Variants in ATP11A observed in about 807,000 individuals in gnomAD.
The protein encoded by ATP11A is phospholipid-transporting ATPase IH.
Under a neutral mutation model 154.4 loss-of-function variants are expected in ATP11A, and 81 were observed. The ratio of observed to expected loss-of-function variants is 0.52; its 90% CI spans 0.44 to 0.63. The LOEUF is 0.63. ATP11A is among the 30% of genes least tolerant of loss of function. ATP11A has a pLI of 0.00. For missense variants in ATP11A, 1,316 were observed against 1,474.3 expected, an observed-to-expected ratio of 0.89 and a Z score of 1.76; for synonymous variants, 623 against 585.9, an observed-to-expected ratio of 1.06 and a Z score of -0.91.
intron 1 of ATP11A, among the ~76,000 whole-genome samples, chr13:112,776,515 C>T (rs1427355081): frequency 1.3e-5 from 2 of 152,178 alleles, no homozygotes; most frequent in African/African-American, 2.4e-5. Context: ...TGAGTTTGCA[C>T]GCTGTGCTCC....
Position 112,885,218 on chromosome 13 carries a change from TAC to T in ATP11A, c.*3357_*3358del, listed in dbSNP as rs2080955664. On this transcript the variant is annotated 3_prime_UTR_variant, in exon 30 of 30. Transcript: ENST00000375645. ...ACATATCATGAACAGCGTAAGTTCCTACACACGGACGTGTGATACACACATGC... is the reference window on the plus strand; with the variant it reads ...ACATATCATGAACAGCGTAAGTTCCTACACGGACGTGTGATACACACATGC... 6.7e-6 allele frequency: 1 copy of T among 149,626 alleles called. No homozygotes were observed. The highest frequency in any genetic ancestry group is 1.5e-5 in the Non-Finnish European group (1 of 67,462). The allele number at this position is 149,626 out of a possible 1,614,324, so 9.3% of individuals were successfully genotyped here. A position where few individuals can be genotyped will look rare whatever the true frequency, so the allele number is the denominator to read the frequency against.
chr13:112,805,460 G>A (rs1322502785), intron 3 of ATP11A, among the ~76,000 whole-genome samples: 8 of 152,156 alleles, frequency 5.3e-5, no homozygotes, highest in African/African-American at 1.2e-4. Context: ...GGAGGATCAC[G>A]AGGTCCAGAG....
intron 2 of ATP11A, among the ~76,000 whole-genome samples, chr13:112,803,702 C>T (rs1395870134): frequency 7.2e-6 from 1 of 139,204 alleles, no homozygotes. Flanking sequence ...CCCTCCCCTC[C>T]TTCTCTCATT....
chr13:112,792,952 G>GA (rs1204180652), intron 2 of ATP11A, among the ~76,000 whole-genome samples: 2 of 152,188 alleles, frequency 1.3e-5, no homozygotes, highest in East Asian at 3.8e-4. Context: ...TAATTGGGGA[G>GA]AAAAAATTCC....
intron 1 of ATP11A, chr13:112,717,213 A>G (rs1405577061): frequency 3.3e-5 from 5 of 152,254 alleles, no homozygotes; most frequent in African/African-American, 9.6e-5. Context: ...ATATGGTCTC[A>G]TTTATTTGTA....
chr13:112,860,161 T>G, intron 23 of ATP11A, 126 bp from the exon 24 acceptor site: 1 of 1,089,356 alleles, frequency 9.2e-7, no homozygotes, highest in Non-Finnish European at 1.3e-6. Flanking sequence ...TAGTTTATAT[T>G]GTTAAGCTTT....
At chr13:112,691,483 G>GT (rs111354648) in intron 1 of ATP11A, among the ~76,000 whole-genome samples, 78 of 125,132 alleles carry the variant, frequency 6.2e-4, no homozygotes, top group Middle Eastern at 4.2e-3. Context: ...AAAAAAAAAG[G>GT]GTGTGTGTGT....
Position 112,885,459 on chromosome 13 carries a change from A to G in ATP11A, c.*3593A>G, listed in dbSNP as rs2080961907. 6.6e-6 allele frequency: 1 copy of G among 152,246 alleles called. No individual in the cohort carries two copies. Among genetic ancestry groups the G allele is most frequent in the Non-Finnish European group, 1.5e-5 (1 of 68,064 alleles). The allele number at this position is 152,246 out of a possible 1,614,324, so 9.4% of individuals were successfully genotyped here. On this transcript the variant is annotated 3_prime_UTR_variant, in exon 30 of 30. Coordinates refer to ENST00000375645, the MANE Select transcript of ATP11A (RefSeq NM_015205.3). The stretch of plus-strand genomic sequence containing the variant: ...GTGTAAACACACGTGCACACATCGT[A>G]CACATGTGAGCTCCCACACGTACAC...
chr13:112,774,893 C>T (rs1381723431), intron 1 of ATP11A, among the ~76,000 whole-genome samples: 2 of 151,458 alleles, frequency 1.3e-5, no homozygotes, highest in African/African-American at 2.4e-5. Context: ...CGTTGGCGTG[C>T]GAGGCTGTGT....
intron 1 of ATP11A, among the ~76,000 whole-genome samples, chr13:112,767,622 T>C (rs1168875517): frequency 6.6e-6 from 1 of 151,478 alleles, no homozygotes; most frequent in East Asian, 1.9e-4. Context: ...TGCACATAAT[T>C]GGCTTTTGAA....
chr13:112,748,310 C>T (rs912937699), intron 1 of ATP11A, among the ~76,000 whole-genome samples: 3 of 152,120 alleles, frequency 2.0e-5, no homozygotes, highest in Admixed American at 6.5e-5. Context: ...CTAACTTTGG[C>T]GATCATGTAG....
intron 17 of ATP11A, among the ~76,000 whole-genome samples, chr13:112,845,585 GGTTCT>G (rs2079568695): frequency 9.1e-6 from 1 of 109,374 alleles, no homozygotes. Flanking sequence ...AGGCACTAGT[GGTTCT>G]AACCAGTCCA....
rs150306973 is a variant in ATP11A at position 112,855,998 on chromosome 13, C to T, written c.2331C>T (p.Ser777=). 1.0e-4 allele frequency: 163 copies of T among 1,614,216 alleles called. No homozygotes were observed. In the African/African-American group the frequency reaches 1.8e-3, roughly 17 times the overall value. Residue 777 remains serine (S), a synonymous_variant, in exon 20 of 30, where the codon TCC becomes TCT. Transcript: ENST00000375645. Reference sequence around the variant, plus strand: ...TGAAGCCTCGAGAAGACGGGAGTTCCGGCAACTACAGGGAGCTCTTCCTGG... The same window carrying T: ...TGAAGCCTCGAGAAGACGGGAGTTCTGGCAACTACAGGGAGCTCTTCCTGG... ...LIMKPREDGS[S]GNYRELFLEI... is the part of the protein sequence containing the mutation.
At chr13:112,741,721 C>T (rs1302992289) in intron 1 of ATP11A, among the ~76,000 whole-genome samples, 1 of 152,158 alleles carries the variant, frequency 6.6e-6, no homozygotes, top group African/African-American at 2.4e-5. Flanking sequence ...TCAGTGGATG[C>T]CGGCTGTTTT....
rs779297863 is a variant in ATP11A, at chr13:112,810,726, A to C, written c.441A>C (p.Arg147=). The part of the protein sequence containing the change: ...KLVRKQSRKL[R]VGDIVMVKED... Reference sequence around the variant, plus strand: ...TTCGGAAACAAAGTCGAAAGCTGCGAGTAAGTGACACCCGACACATTTACG... The same window carrying C: ...TTCGGAAACAAAGTCGAAAGCTGCGCGTAAGTGACACCCGACACATTTACG... The change falls in exon 5 of 30, where the codon CGA becomes CGC. Residue 147 remains arginine, a splice_region_variant and synonymous_variant. Transcript: ENST00000375645. 17 of 1,613,518 alleles carry C rather than the reference A, an allele frequency of 1.1e-5. No individual in the cohort carries two copies. In the African/African-American group the frequency reaches 2.3e-4, roughly 22 times the overall value.
intron 1 of ATP11A, among the ~76,000 whole-genome samples, chr13:112,765,656 A>G (rs1315560793): frequency 6.6e-6 from 1 of 152,222 alleles, no homozygotes; most frequent in African/African-American, 2.4e-5. Flanking sequence ...GAGACCTAAG[A>G]ACCATTCGAT....
At chr13:112,776,724 G>C (rs2077357846) in intron 1 of ATP11A, among the ~76,000 whole-genome samples, 1 of 152,130 alleles carries the variant, frequency 6.6e-6, no homozygotes, top group African/African-American at 2.4e-5. Context: ...AGCCCCCCAA[G>C]TAGCTGGGAC....
intron 6 of ATP11A, among the ~76,000 whole-genome samples, chr13:112,818,219 C>T (rs147364589): frequency 0.017 from 2,426 of 140,538 alleles, 105 homozygotes; most frequent in East Asian, 0.062. Flanking sequence ...ACTGTTGGTG[C>T]GCTTGGTGAC....
At chr13:112,775,307 A>T (rs1479120327) in intron 1 of ATP11A, among the ~76,000 whole-genome samples, 3 of 152,218 alleles carry the variant, frequency 2.0e-5, no homozygotes, top group Non-Finnish European at 4.4e-5. Flanking sequence ...AGGGCTCGTT[A>T]TCCGACTCTG....
Sources: allele counts gnomAD v4.1 joint callset (sites outside exome capture counted in the v4.1 genomes callset), GRCh38; gene constraint gnomAD v4.1.1; transcripts MANE v1.5; gene names NCBI Gene and HGNC (gene_info 2026-07-23, HGNC 2026-07-21).